PIR: variants seen among roughly 807,000 people sequenced by gnomAD.
PIR encodes pirin (iron-binding nuclear protein).
Under a neutral mutation model 24.2 loss-of-function variants are expected in PIR, and 22 were observed. The ratio of observed to expected loss-of-function variants is 0.91; its 90% CI spans 0.65 to 1.30. PIR has a LOEUF of 1.30. Among genes scored for constraint, PIR ranks in the 50% most tolerant of loss-of-function variants. PIR has a pLI of 0.00. For synonymous variants in PIR, 80 were observed against 79.6 expected (o/e 1.00, Z -0.03); for missense variants, 220 against 220.3 (o/e 1.00, Z 0.01).
intron 5 of PIR, among the ~76,000 whole-genome samples, chrX:15,431,449 T>G: frequency 8.9e-6 from 1 of 111,799 alleles, no homozygotes; most frequent in South Asian, 3.8e-4. Flanking sequence ...AAATCTCTAC[T>G]GCTAGTCACT....
rs772760108 is a variant in PIR, at chrX:15,445,979, A to G, written c.480+9869T>C. On this transcript the variant is annotated intron_variant, in intron 5 of 9. Coordinates refer to ENST00000380420, the MANE Select transcript of PIR (RefSeq NM_001018109.3). ...CGAGTAGCTGGGACTACAGGCACCC[A>G]CCACCACGCCTGGCTAATTTTTTGC... Among the ~76,000 whole-genome samples the G allele has an allele frequency of 5.5e-3, 591 of 107,674 alleles. 3 individuals are homozygous for G. The highest frequency in any genetic ancestry group is 9.2e-3 in the Non-Finnish European group (479 of 52,028). 93.5% of individuals were successfully genotyped at this position (107,674 alleles called of 115,157 possible).
chrX:15,480,780 G>A (rs1426886195), intron 2 of PIR, among the ~76,000 whole-genome samples: 6 of 112,494 alleles, frequency 5.3e-5, no homozygotes, highest in Admixed American at 1.9e-4. Flanking sequence ...GATGCATATG[G>A]AATTATGAGA....
intron 7 of PIR, among the ~76,000 whole-genome samples, chrX:15,402,146 T>C (rs138699015): frequency 1.9e-3 from 215 of 111,821 alleles, no homozygotes; most frequent in Middle Eastern, 4.6e-3. Flanking sequence ...AGACCCTGTC[T>C]GTACAAAACA....
chrX:15,407,482 C>T, intron 7 of PIR, 24 bp downstream of exon 7: 1 of 1,148,639 alleles, frequency 8.7e-7, no homozygotes, highest in South Asian at 1.8e-5. Flanking sequence ...CAATTGAGCC[C>T]TAAGTGACAC....
chrX:15,435,138 G>C (rs1266586742), intron 5 of PIR, among the ~76,000 whole-genome samples: 5 of 110,806 alleles, frequency 4.5e-5, no homozygotes, highest in African/African-American at 1.6e-4. Context: ...TTGAACCTGG[G>C]AGGTGGAGAT....
At chrX:15,454,579 G>A (rs1236548870) in intron 5 of PIR, among the ~76,000 whole-genome samples, 2 of 111,364 alleles carry the variant, frequency 1.8e-5, no homozygotes, top group Non-Finnish European at 3.8e-5. Context: ...TGACCAATCT[G>A]TTAACCATCC....
At chrX:15,404,810 AT>A (rs1217064037) in intron 7 of PIR, among the ~76,000 whole-genome samples, 1 of 111,778 alleles carries the variant, frequency 8.9e-6, no homozygotes, top group African/African-American at 3.3e-5. Context: ...TAAAATTCAA[AT>A]GAGGTCATTT....
At chrX:15,441,916 T>C (rs1925928330) in intron 5 of PIR, among the ~76,000 whole-genome samples, 1 of 111,315 alleles carries the variant, frequency 9.0e-6, no homozygotes, top group Admixed American at 9.5e-5. Flanking sequence ...TGCTTTTATC[T>C]AGATTTTACT....
chrX:15,388,040 T>C (rs148448160), intron 9 of PIR, among the ~76,000 whole-genome samples: 2,955 of 111,869 alleles, frequency 0.026, 41 homozygotes, highest in Non-Finnish European at 0.04. Context: ...ATGAAGCTTA[T>C]CTCCTCAAAT....
intron 2 of PIR, among the ~76,000 whole-genome samples, chrX:15,484,810 G>A (rs1484973313): frequency 8.9e-6 from 1 of 112,262 alleles, no homozygotes; most frequent in East Asian, 2.8e-4. Flanking sequence ...GGTAGAACCT[G>A]TAAGCAATGA....
At chrX:15,482,384 C>T (rs1237695629) in intron 2 of PIR, among the ~76,000 whole-genome samples, 4 of 111,441 alleles carry the variant, frequency 3.6e-5, no homozygotes, top group African/African-American at 1.3e-4. Context: ...TTGTTTAATG[C>T]AGGTGTTTTA....
At chrX:15,434,458 CAGGGAG>C (rs1002815093) in intron 5 of PIR, among the ~76,000 whole-genome samples, 28 of 109,394 alleles carry the variant, frequency 2.6e-4, no homozygotes, top group South Asian at 1.2e-3. Context: ...AGAAGAAAGA[CAGGGAG>C]AGGGAGAGGG....
chrX:15,466,817 C>A (rs960235629), intron 3 of PIR, among the ~76,000 whole-genome samples: 2 of 111,803 alleles, frequency 1.8e-5, no homozygotes, highest in Non-Finnish European at 3.8e-5. Context: ...TTCACTCAGG[C>A]CTCTGTTCAA....
intron 5 of PIR, among the ~76,000 whole-genome samples, chrX:15,447,924 G>A (rs1385241827): frequency 2.7e-5 from 3 of 111,837 alleles, no homozygotes; most frequent in Non-Finnish European, 5.6e-5. Context: ...TCCCTGCTAA[G>A]TTACAATCCT....
intron 5 of PIR, among the ~76,000 whole-genome samples, chrX:15,427,241 G>C (rs1335729991): frequency 9.0e-6 from 1 of 111,281 alleles, no homozygotes; most frequent in Non-Finnish European, 1.9e-5. Context: ...GGATTTTAAA[G>C]GGGCTTCTGG....
At chrX:15,466,429 G>A (rs1921599526) in intron 3 of PIR, among the ~76,000 whole-genome samples, 1 of 111,755 alleles carries the variant, frequency 8.9e-6, no homozygotes, top group Non-Finnish European at 1.9e-5. Flanking sequence ...AAGCACCAGT[G>A]CTTCAGAGAC....
At chrX:15,408,140 A>G (rs1924609708) in intron 6 of PIR, among the ~76,000 whole-genome samples, 1 of 111,410 alleles carries the variant, frequency 9.0e-6, no homozygotes, top group Admixed American at 9.6e-5. Flanking sequence ...ATTATTTAGT[A>G]GAGATGCGGT....
intron 3 of PIR, among the ~76,000 whole-genome samples, chrX:15,473,204 A>T (rs751143902): frequency 1.8e-5 from 2 of 112,004 alleles, no homozygotes; most frequent in South Asian, 7.5e-4. Flanking sequence ...ACACCCCCAG[A>T]GGACAGTTGA....
At chrX:15,434,625 G>A (rs1399404603) in intron 5 of PIR, among the ~76,000 whole-genome samples, 5 of 110,593 alleles carry the variant, frequency 4.5e-5, no homozygotes, top group Admixed American at 1.9e-4. Context: ...CACATCTTCA[G>A]TGATGTGTGA....
Sources: allele counts gnomAD v4.1 joint callset (sites outside exome capture counted in the v4.1 genomes callset), GRCh38; gene constraint gnomAD v4.1.1; transcripts MANE v1.5; gene names NCBI Gene and HGNC (gene_info 2026-07-23, HGNC 2026-07-21).